THSD7B: variants seen among roughly 807,000 people sequenced by gnomAD.
The protein encoded by THSD7B is thrombospondin type 1 domain containing 7B.
In THSD7B, 138 loss-of-function variants were observed where a neutral mutation model predicts 213.6. The observed-to-expected ratio is 0.65, with a 90% CI of 0.56 to 0.74. The LOEUF (loss-of-function observed/expected upper bound fraction) is 0.74, where lower values mean the gene tolerates loss of function less well. Ranked by LOEUF, THSD7B falls within the 30% of genes least tolerant of loss-of-function variation. THSD7B has a pLI of 0.00. For missense variants in THSD7B, 1,931 were observed against 1,991.5 expected (o/e 0.97, Z 0.58); for synonymous variants, 742 against 687.0 (o/e 1.08, Z -1.25).
intron 12 of THSD7B, among the ~76,000 whole-genome samples, chr2:137,293,152 T>A (rs1486948753): frequency 6.6e-6 from 1 of 152,046 alleles, no homozygotes; most frequent in Non-Finnish European, 1.5e-5. Context: ...GTCTTTTTTT[T>A]TTTCTTTTGA....
chr2:136,801,016 GT>G (rs1414646836), intron 1 of THSD7B, among the ~76,000 whole-genome samples: 3 of 151,362 alleles, frequency 2.0e-5, no homozygotes, highest in African/African-American at 7.3e-5. Flanking sequence ...TAGACCTGGA[GT>G]TTTTTTTTCC....
intron 2 of THSD7B, among the ~76,000 whole-genome samples, chr2:136,919,822 G>A (rs1340484804): frequency 6.6e-6 from 1 of 152,226 alleles, no homozygotes; most frequent in Non-Finnish European, 1.5e-5. Flanking sequence ...TCCAGCCACT[G>A]TGCACAGCTG....
At chr2:137,582,809 T>A (rs1402010165) in intron 17 of THSD7B, among the ~76,000 whole-genome samples, 4 of 152,206 alleles carry the variant, frequency 2.6e-5, no homozygotes, top group Non-Finnish European at 4.4e-5. Context: ...TACGTGTGCA[T>A]GTGTCTTTAT....
chr2:137,087,706 G>A lies in THSD7B; in HGVS notation c.951-7167G>A, dbSNP rs72987526. ...CTTATGGATGGGTAGAATCTATATC[G>A]GGAAAATGACCATACTGCCAAAAGC... On this transcript the variant is annotated intron_variant, in intron 3 of 27. Transcript: ENST00000409968. Among the ~76,000 whole-genome samples the A allele has an allele frequency of 1.8e-3, 274 of 152,202 alleles. 1 individual carries two copies. The highest frequency in any genetic ancestry group is 6.1e-3 in the African/African-American group (255 of 41,516).
chr2:137,660,541 A>T (rs773023501), intron 25 of THSD7B, among the ~76,000 whole-genome samples: 22 of 152,220 alleles, frequency 1.4e-4, no homozygotes, highest in Admixed American at 5.9e-4. Flanking sequence ...TAGAAGGAAA[A>T]GAGGGGAAGT....
chr2:137,366,658 T>C (rs1441578397), intron 12 of THSD7B, among the ~76,000 whole-genome samples: 1 of 152,020 alleles, frequency 6.6e-6, no homozygotes, highest in South Asian at 2.1e-4. Context: ...ACTAGTCCAC[T>C]GATATTCCTT....
At chr2:137,283,827 C>T (rs1054216784) in intron 12 of THSD7B, among the ~76,000 whole-genome samples, 8 of 152,058 alleles carry the variant, frequency 5.3e-5, no homozygotes, top group African/African-American at 1.9e-4. Context: ...GTTTTTGCAT[C>T]AATGTTCATC....
chr2:137,481,222 A>C (rs2105105628), intron 15 of THSD7B, among the ~76,000 whole-genome samples: 1 of 152,362 alleles, frequency 6.6e-6, no homozygotes, highest in East Asian at 1.9e-4. Context: ...GTACAAACAT[A>C]CTAAGACTTA....
At chr2:137,073,840 T>A (rs1174964357) in intron 3 of THSD7B, among the ~76,000 whole-genome samples, 1 of 152,286 alleles carries the variant, frequency 6.6e-6, no homozygotes, top group East Asian at 1.9e-4. Flanking sequence ...AGTTCGTTAT[T>A]TACCCAGTAG....
At chr2:137,344,614 A>G (rs977745757) in intron 12 of THSD7B, among the ~76,000 whole-genome samples, 2 of 151,668 alleles carry the variant, frequency 1.3e-5, no homozygotes, top group Admixed American at 6.6e-5. Flanking sequence ...CGGGAGTGTT[A>G]GAGCTAGTGC....
intron 2 of THSD7B, among the ~76,000 whole-genome samples, chr2:136,948,576 G>A (rs570232449): frequency 6.6e-6 from 1 of 152,074 alleles, no homozygotes; most frequent in East Asian, 1.9e-4. Context: ...CATTCGGGAA[G>A]TTTACTAACG....
intron 15 of THSD7B, among the ~76,000 whole-genome samples, chr2:137,492,965 TA>T (rs1243744814): frequency 6.6e-6 from 1 of 150,524 alleles, no homozygotes; most frequent in Non-Finnish European, 1.5e-5. Flanking sequence ...ACTAAAAATA[TA>T]AAAAATTAGC....
intron 5 of THSD7B, among the ~76,000 whole-genome samples, chr2:137,146,334 G>A (rs1218812446): frequency 1.3e-5 from 2 of 152,068 alleles, no homozygotes; most frequent in Non-Finnish European, 2.9e-5. Flanking sequence ...TATAGCCATG[G>A]AAAAGCACAA....
intron 12 of THSD7B, among the ~76,000 whole-genome samples, chr2:137,389,222 A>G (rs1379108424): frequency 7.4e-6 from 1 of 135,070 alleles, no homozygotes; most frequent in African/African-American, 2.7e-5. Flanking sequence ...ATATATGACA[A>G]AATAATATAT....
chr2:137,234,285 T>C (rs1331681329), intron 9 of THSD7B, among the ~76,000 whole-genome samples: 1 of 152,216 alleles, frequency 6.6e-6, no homozygotes, highest in Non-Finnish European at 1.5e-5. Context: ...TCAATTTAAT[T>C]TGTGTTTCTC....
intron 12 of THSD7B, among the ~76,000 whole-genome samples, chr2:137,348,991 A>G (rs1684951344): frequency 1.3e-5 from 2 of 151,798 alleles, no homozygotes; most frequent in South Asian, 4.1e-4. Context: ...CTGGCCATCT[A>G]AAATGTTGAT....
chr2:137,496,522 T>C (rs538160443), intron 15 of THSD7B, among the ~76,000 whole-genome samples: 38 of 152,334 alleles, frequency 2.5e-4, no homozygotes, highest in Middle Eastern at 6.8e-3. Flanking sequence ...CAGCTTTTAT[T>C]ATGTGCAGAT....
chr2:137,628,449 T>A (rs765878361), intron 20 of THSD7B, among the ~76,000 whole-genome samples: 1 of 152,206 alleles, frequency 6.6e-6, no homozygotes, highest in Non-Finnish European at 1.5e-5. Context: ...AAAGGCAATT[T>A]CCCTATTTTT....
At chr2:137,190,074 G>T (rs1355063065) in intron 7 of THSD7B, among the ~76,000 whole-genome samples, 2 of 152,150 alleles carry the variant, frequency 1.3e-5, no homozygotes, top group Non-Finnish European at 2.9e-5. Context: ...AGAACTGTGG[G>T]TTAATAAGGG....
Sources: gnomAD v4.1 joint callset for allele counts (sites outside exome capture counted in the v4.1 genomes callset) on GRCh38, gnomAD v4.1.1 for gene constraint, MANE v1.5 for transcripts, NCBI Gene and HGNC (gene_info 2026-07-23, HGNC 2026-07-21) for gene names.